DPP10: variants seen among roughly 807,000 people sequenced by gnomAD.
DPP10 encodes dipeptidyl peptidase like 10.
Under a neutral mutation model 120.9 loss-of-function variants are expected in DPP10, and 33 were observed. That is an observed-to-expected ratio of 0.27 (90% CI 0.21 to 0.37). DPP10 has a LOEUF of 0.37. Ranked by LOEUF, DPP10 falls within the 10% of genes least tolerant of loss-of-function variation. The pLI is 1.00. For synonymous variants in DPP10, 337 were observed against 326.1 expected, an observed-to-expected ratio of 1.03 and a Z score of -0.36; for missense variants, 816 against 942.8, an observed-to-expected ratio of 0.87 and a Z score of 1.76.
At chr2:114,880,798 T>C (rs1274946577) in intron 1 of DPP10, among the ~76,000 whole-genome samples, 2 of 152,116 alleles carry the variant, frequency 1.3e-5, no homozygotes, top group Non-Finnish European at 2.9e-5. Context: ...GTAATATGAA[T>C]GAAACAATGA....
At chr2:115,655,720 A>C (rs1382006669) in intron 5 of DPP10, among the ~76,000 whole-genome samples, 1 of 151,672 alleles carries the variant, frequency 6.6e-6, no homozygotes, top group Non-Finnish European at 1.5e-5. Context: ...TAGAATAAAT[A>C]TAAAAAGATA....
chr2:114,969,940 A>G (rs1394442063), intron 1 of DPP10, among the ~76,000 whole-genome samples: 8 of 152,148 alleles, frequency 5.3e-5, no homozygotes, highest in Non-Finnish European at 8.8e-5. Context: ...TTTAGGATTC[A>G]TCTGTTATAG....
chr2:115,727,998 A>G (rs1559080959), intron 8 of DPP10, 62 bp downstream of exon 8: 2 of 1,504,928 alleles, frequency 1.3e-6, no homozygotes, highest in Non-Finnish European at 1.8e-6. Context: ...AAAATCTACC[A>G]AAAAAAATCT....
At chr2:115,418,413 CTGAG>C (rs2069623272) in intron 3 of DPP10, among the ~76,000 whole-genome samples, 2 of 151,980 alleles carry the variant, frequency 1.3e-5, no homozygotes, top group South Asian at 2.1e-4. Context: ...GAGTGAGAGA[CTGAG>C]AGAGAGAGAG....
At chr2:115,353,607 C>G (rs570260159) in intron 3 of DPP10, among the ~76,000 whole-genome samples, 2 of 152,092 alleles carry the variant, frequency 1.3e-5, no homozygotes. Context: ...TTACCTAATA[C>G]GTGTTCAGTA....
chr2:115,754,734 C>A (rs1258789706), intron 11 of DPP10, among the ~76,000 whole-genome samples: 1 of 152,054 alleles, frequency 6.6e-6, no homozygotes, highest in Non-Finnish European at 1.5e-5. Context: ...AACCTACTCA[C>A]CTTCCTCAAA....
At chr2:115,483,774 A>T (rs1483537446) in intron 3 of DPP10, among the ~76,000 whole-genome samples, 2 of 152,048 alleles carry the variant, frequency 1.3e-5, no homozygotes, top group Non-Finnish European at 2.9e-5. Flanking sequence ...TCCTTGGCCA[A>T]TCTGATTATT....
At chr2:115,373,646 A>C (rs2065575431) in intron 3 of DPP10, among the ~76,000 whole-genome samples, 1 of 152,116 alleles carries the variant, frequency 6.6e-6, no homozygotes, top group African/African-American at 2.4e-5. Context: ...ATAGTCCATA[A>C]GTTAAAATGG....
chr2:115,075,849 T>G (rs767753919), intron 1 of DPP10, among the ~76,000 whole-genome samples: 10 of 152,178 alleles, frequency 6.6e-5, no homozygotes, highest in Non-Finnish European at 1.2e-4. Context: ...CATTTAAAAC[T>G]CATAACAAGT....
At chr2:115,696,711 A>C (rs2091611395) in intron 7 of DPP10, among the ~76,000 whole-genome samples, 1 of 152,196 alleles carries the variant, frequency 6.6e-6, no homozygotes, top group Non-Finnish European at 1.5e-5. Context: ...CAATTATAGA[A>C]ATGTATGTTA....
At chr2:115,750,849 A>C (rs2149738704) in intron 10 of DPP10, among the ~76,000 whole-genome samples, 1 of 152,270 alleles carries the variant, frequency 6.6e-6, no homozygotes, top group East Asian at 1.9e-4. Flanking sequence ...ATGTTCTTGT[A>C]GCATTTCATT....
intron 1 of DPP10, among the ~76,000 whole-genome samples, chr2:115,265,174 T>C (rs1343535790): frequency 6.6e-6 from 1 of 152,022 alleles, no homozygotes; most frequent in Non-Finnish European, 1.5e-5. Context: ...GAATAAAATT[T>C]GATCTTGCCA....
chr2:115,040,499 A>T (rs1002709922), intron 1 of DPP10, among the ~76,000 whole-genome samples: 3 of 151,906 alleles, frequency 2.0e-5, no homozygotes, highest in African/African-American at 4.8e-5. Context: ...AAGAAGAAGG[A>T]CTTTACCCAC....
At chr2:115,004,861 C>T (rs1701703102) in intron 1 of DPP10, among the ~76,000 whole-genome samples, 1 of 152,148 alleles carries the variant, frequency 6.6e-6, no homozygotes, top group Non-Finnish European at 1.5e-5. Flanking sequence ...TGGGTGGAGC[C>T]CACCACAGCT....
intron 1 of DPP10, among the ~76,000 whole-genome samples, chr2:114,822,534 C>T (rs1190963719): frequency 1.3e-5 from 2 of 152,114 alleles, no homozygotes; most frequent in Non-Finnish European, 2.9e-5. Context: ...ATGCAAATTA[C>T]TGTAGCAGGG....
At chr2:115,746,029 T>TA (rs1677924187) in intron 9 of DPP10, 57 bp from the exon 10 acceptor site, 2 of 1,237,620 alleles carry the variant, frequency 1.6e-6, no homozygotes, top group Non-Finnish European at 2.2e-6. Flanking sequence ...TTTTCTTTTT[T>TA]ACCCAATATA....
At chr2:114,987,310 T>TG (rs762964801) in intron 1 of DPP10, among the ~76,000 whole-genome samples, 8 of 152,320 alleles carry the variant, frequency 5.3e-5, no homozygotes, top group Non-Finnish European at 1.0e-4. Flanking sequence ...CACCATGTAT[T>TG]GCGTTACCCA....
At chr2:115,122,431 C>T (rs1339026476) in intron 1 of DPP10, among the ~76,000 whole-genome samples, 1 of 152,202 alleles carries the variant, frequency 6.6e-6, no homozygotes, top group Non-Finnish European at 1.5e-5. Flanking sequence ...CCTACAGGTA[C>T]TTTGGTCTCT....
At chr2:115,820,246 A>C (rs566830529) in intron 21 of DPP10, among the ~76,000 whole-genome samples, 1 of 152,296 alleles carries the variant, frequency 6.6e-6, no homozygotes, top group Admixed American at 6.5e-5. Flanking sequence ...CAGGATAACA[A>C]AAATACTTTG....
Sources: allele counts gnomAD v4.1 joint callset (sites outside exome capture counted in the v4.1 genomes callset), GRCh38; gene constraint gnomAD v4.1.1; transcripts MANE v1.5; gene names NCBI Gene and HGNC (gene_info 2026-07-23, HGNC 2026-07-21).